Variants in SMAD3 observed in about 807,000 individuals in gnomAD.
The protein encoded by SMAD3 is SMAD family member 3, also known as MAD homolog 3.
SMAD3 carries 12 observed loss-of-function variants against 51.8 expected under a neutral mutation model. The observed-to-expected ratio is 0.23, with a 90% CI of 0.15 to 0.38. The LOEUF (loss-of-function observed/expected upper bound fraction) is 0.38, where lower values mean the gene tolerates loss of function less well. Among genes scored for constraint, SMAD3 ranks in the 10% least tolerant of loss-of-function variants. SMAD3 has a pLI of 1.00. For synonymous variants in SMAD3, 238 were observed against 227.7 expected (o/e 1.05, Z -0.41); for missense variants, 294 against 565.6 (o/e 0.52, Z 4.87).
intron 1 of SMAD3, among the ~76,000 whole-genome samples, chr15:67,100,180 TAAAAAAAAAA>T (rs34746545): frequency 9.1e-6 from 1 of 109,930 alleles, no homozygotes; most frequent in Non-Finnish European, 1.8e-5. Context: ...AAACTCCATC[TAAAAAAAAAA>T]AAAAAAAAAA....
chr15:67,187,173 G>C (rs1317376520), intron 7 of SMAD3, 192 bp from the exon 8 acceptor site: 1 of 712,250 alleles, frequency 1.4e-6, no homozygotes, highest in Non-Finnish European at 2.5e-6. Context: ...GGTTCAAGGG[G>C]AGGGACTGGG....
In SMAD3 at chr15:67,190,584, G is replaced by A; in HGVS notation, c.*48G>A. On this transcript the variant is annotated 3_prime_UTR_variant, in exon 9 of 9. Coordinates refer to ENST00000327367, the MANE Select transcript of SMAD3 (RefSeq NM_005902.4). ...GGGCAGGCTTGGGGAAAATGGCCAT[G>A]CAGGAGGTGGAGAAAATTGGAACTC... 3 of 1,599,934 alleles carry A rather than the reference G, an allele frequency of 1.9e-6. No individual in the cohort carries two copies. Among genetic ancestry groups the A allele is most frequent in the Non-Finnish European group, 2.6e-6 (3 of 1,168,068 alleles).
intron 7 of SMAD3, 45 bp downstream of exon 7, chr15:67,184,909 A>G: frequency 6.2e-7 from 1 of 1,610,746 alleles, no homozygotes; most frequent in Non-Finnish European, 8.5e-7. Context: ...TCCCTCTCCG[A>G]GTGCATGCCT....
At chr15:67,189,334 G>C (rs1356525547) in intron 8 of SMAD3, among the ~76,000 whole-genome samples, 1 of 152,140 alleles carries the variant, frequency 6.6e-6, no homozygotes, top group Non-Finnish European at 1.5e-5. Context: ...CAAAGTAGAG[G>C]CCAAGCAAGG....
At chr15:67,142,082 A>G (rs1721963388) in intron 1 of SMAD3, among the ~76,000 whole-genome samples, 1 of 152,174 alleles carries the variant, frequency 6.6e-6, no homozygotes, top group South Asian at 2.1e-4. Flanking sequence ...GAGGCAGTGA[A>G]GAGCTGGGGC....
intron 1 of SMAD3, among the ~76,000 whole-genome samples, chr15:67,099,197 T>G (rs949705971): frequency 3.3e-5 from 5 of 152,234 alleles, no homozygotes; most frequent in Non-Finnish European, 7.3e-5. Context: ...GACTAAGGAC[T>G]TCTGTCTCTG....
intron 7 of SMAD3, among the ~76,000 whole-genome samples, chr15:67,185,404 G>A (rs924556698): frequency 1.3e-5 from 2 of 152,206 alleles, no homozygotes; most frequent in African/African-American, 4.8e-5. Context: ...CTGAAGGATA[G>A]GTAGGCACTA....
intron 1 of SMAD3, among the ~76,000 whole-genome samples, chr15:67,096,164 G>A (rs1320600946): frequency 6.6e-6 from 1 of 152,168 alleles, no homozygotes; most frequent in Non-Finnish European, 1.5e-5. Context: ...TATTACTCAC[G>A]TCACTTCCCT....
intron 1 of SMAD3, chr15:67,146,984 C>T (rs528224760): frequency 2.8e-4 from 42 of 152,274 alleles, no homozygotes; most frequent in African/African-American, 1.0e-3. Flanking sequence ...CAAAGATTCC[C>T]CTGCACCCCG....
intron 1 of SMAD3, among the ~76,000 whole-genome samples, chr15:67,127,501 C>T (rs978033311): frequency 3.3e-5 from 5 of 152,326 alleles, no homozygotes; most frequent in Admixed American, 1.3e-4. Flanking sequence ...ACCTGTGAAT[C>T]CATACAGGAT....
At chr15:67,080,295 A>G (rs995065903) in intron 1 of SMAD3, among the ~76,000 whole-genome samples, 3 of 152,244 alleles carry the variant, frequency 2.0e-5, no homozygotes, top group Admixed American at 2.0e-4. Flanking sequence ...AGATGTTGAA[A>G]ACATGGTAAA....
chr15:67,131,372 A>G (rs1283466180), intron 1 of SMAD3, among the ~76,000 whole-genome samples: 1 of 152,068 alleles, frequency 6.6e-6, no homozygotes, highest in Non-Finnish European at 1.5e-5. Context: ...CAGCCAGGAG[A>G]TAGTCGTTGA....
chr15:67,176,405 C>G (rs1327084038), intron 5 of SMAD3, among the ~76,000 whole-genome samples: 1 of 152,184 alleles, frequency 6.6e-6, no homozygotes, highest in Non-Finnish European at 1.5e-5. Context: ...GAGCTGCCTT[C>G]CGCAGGTGAG....
chr15:67,164,578 C>T (rs967745821), intron 1 of SMAD3, among the ~76,000 whole-genome samples: 5 of 152,192 alleles, frequency 3.3e-5, no homozygotes, highest in Non-Finnish European at 5.9e-5. Context: ...CCAAGCACAA[C>T]TGAAGTGACT....
chr15:67,151,435 C>T (rs1027246326), intron 1 of SMAD3, among the ~76,000 whole-genome samples: 1 of 151,844 alleles, frequency 6.6e-6, no homozygotes, highest in Non-Finnish European at 1.5e-5. Flanking sequence ...TGGGTTCAAG[C>T]GATTCTCCTG....
Position 67,191,736 on chromosome 15 carries a change from A to G in SMAD3, c.*1200A>G. On this transcript the variant is annotated 3_prime_UTR_variant, in exon 9 of 9. Transcript: ENST00000327367. ...AAACATCTCAGGCCAACATAGGCAA[A>G]TGAAAAGGGCTATTAAAATATTTTT... 1 of 231,040 alleles carries G rather than the reference A, an allele frequency of 4.3e-6. No homozygotes were observed. Among genetic ancestry groups the G allele is most frequent in the Non-Finnish European group, 8.6e-6 (1 of 116,642 alleles). 14.3% of individuals were successfully genotyped at this position (231,040 alleles called of 1,614,324 possible).
intron 1 of SMAD3, among the ~76,000 whole-genome samples, chr15:67,150,561 G>C (rs768562816): frequency 2.0e-5 from 3 of 152,136 alleles, no homozygotes; most frequent in Non-Finnish European, 4.4e-5. Flanking sequence ...GCTCCGATTC[G>C]GGCAGACCTG....
At chr15:67,088,437 G>A (rs891049055) in intron 1 of SMAD3, among the ~76,000 whole-genome samples, 40 of 152,326 alleles carry the variant, frequency 2.6e-4, no homozygotes, top group African/African-American at 8.2e-4. Flanking sequence ...ACGTGGAAGC[G>A]GGGGAGGCAG....
intron 1 of SMAD3, among the ~76,000 whole-genome samples, chr15:67,078,589 C>T (rs1397001360): frequency 2.0e-5 from 3 of 152,172 alleles, no homozygotes; most frequent in Admixed American, 1.3e-4. Context: ...TTATTTACCT[C>T]GCCTTTAGAG....
Sources: allele counts gnomAD v4.1 joint callset (sites outside exome capture counted in the v4.1 genomes callset), GRCh38; gene constraint gnomAD v4.1.1; transcripts MANE v1.5; gene names NCBI Gene and HGNC (gene_info 2026-07-23, HGNC 2026-07-21).